LCMT2: variants seen among roughly 807,000 people sequenced by gnomAD.
LCMT2 encodes tRNA wybutosine-synthesizing protein 4.
Under a neutral mutation model 42.0 loss-of-function variants are expected in LCMT2, and 34 were observed. That is an observed-to-expected ratio of 0.81 (90% confidence interval 0.62 to 1.08). The LOEUF (loss-of-function observed/expected upper bound fraction) is 1.08, where lower values mean the gene tolerates loss of function less well. LCMT2 is among the 50% of genes least tolerant of loss of function. The pLI is 0.00. For missense variants in LCMT2, 1,091 were observed against 889.4 expected (o/e 1.23, Z -2.88); for synonymous variants, 445 against 369.5 (o/e 1.20, Z -2.34).
chr15:43,329,141 T>C lies in LCMT2; in HGVS notation c.1349A>G (p.His450Arg), dbSNP rs772699256. Residue 450 changes from histidine (H) to arginine (R), a missense_variant, in exon 1 of 1, where the codon CAT becomes CGT. His to Arg is a conservative substitution (Grantham distance 29). Transcript: ENST00000305641. ...VSPALGVLQL[H>R]FFKSEDNNTE... ...GTTATTATCCTCACTCTTAAAAAAA[T>C]GAAGCTGGAGAACCCCCAAGGCTGG... The C allele has an allele frequency of 3.1e-6, 5 of 1,614,066 alleles. No homozygotes were observed. Among genetic ancestry groups the C allele is most frequent in the Non-Finnish European group, 4.2e-6 (5 of 1,180,040 alleles).
Position 43,330,184 on chromosome 15 carries a change from C to G in LCMT2, c.306G>C (p.Ala102=). The G allele has an allele frequency of 1.2e-6, 2 of 1,611,906 alleles. No homozygotes were observed. The change falls in exon 1 of 1, where the codon GCG becomes GCC. Residue 102 remains alanine (A), a synonymous_variant. Transcript: ENST00000305641. ...AGACTGCAGCCCGGGCCAGGCGGCC[C>G]GCGGTTTTTAAGCGAAAATAGAGCG... is the stretch of plus-strand genomic sequence containing the variant. ...FDSLYFRLKT[A]GRLARAAVWE...
chr15:43,329,593 C>A lies in LCMT2; in HGVS notation c.897G>T (p.Trp299Cys). 1.9e-6 allele frequency: 3 copies of A among 1,614,184 alleles called. No homozygotes were observed. Among genetic ancestry groups the A allele is most frequent in the Non-Finnish European group, 2.5e-6 (3 of 1,180,020 alleles). The change falls in exon 1 of 1, where the codon TGG becomes TGT. Residue 299 changes from tryptophan (W) to cysteine (C), a missense_variant. Coordinates refer to ENST00000305641, the MANE Select transcript of LCMT2 (RefSeq NM_014793.5). ...NIEPFDEFEEWHLKCAHYFIL... is the reference protein window; with the variant it reads ...NIEPFDEFEECHLKCAHYFIL... ...TGAAATAATGGGCGCACTTCAGATG[C>A]CACTCCTCAAATTCGTCAAAGGGTT...
rs763412383 is a variant in LCMT2 at position 43,329,121 on chromosome 15, T to C, written c.1369A>G (p.Asn457Asp). 9.3e-6 allele frequency: 15 copies of C among 1,613,966 alleles called. No individual in the cohort carries two copies. The East Asian group carries it at 3.1e-4, about 34-fold the overall frequency. ...GTCACTTTCAGGTCCTCAGTGTTATTATCCTCACTCTTAAAAAAATGAAGC... is the reference window on the plus strand; with the variant it reads ...GTCACTTTCAGGTCCTCAGTGTTATCATCCTCACTCTTAAAAAAATGAAGC... The part of the protein sequence containing the change: ...LQLHFFKSED[N>D]NTEDLKVTIT... The change falls in exon 1 of 1, where the codon AAT becomes GAT. Residue 457 changes from asparagine to aspartate, a missense_variant. Coordinates refer to ENST00000305641, the MANE Select transcript of LCMT2 (RefSeq NM_014793.5).
rs549348208 is a variant in LCMT2, at chr15:43,330,025, G to A, written c.465C>T (p.Tyr155=). The change falls in exon 1 of 1, where the codon TAC becomes TAT. Residue 155 remains tyrosine, a synonymous_variant. Coordinates refer to ENST00000305641, the MANE Select transcript of LCMT2 (RefSeq NM_014793.5). ...GCCGCAAGTCCAGACCCAGGATGCA[G>A]TAGTCTGCGCTCTCAAAGCACAGCG... ...ASALCFESAD[Y]CILGLDLRQL... is the part of the protein sequence containing the mutation. 5.1e-5 allele frequency: 83 copies of A among 1,612,712 alleles called. No individual in the cohort carries two copies. The South Asian group carries it at 8.2e-4, about 16-fold the overall frequency.
chr15:43,330,570 A>T lies in LCMT2; in HGVS notation c.-81T>A. The stretch of plus-strand genomic sequence containing the variant: ...TAGCACACACCTCACGGACCTCGGT[A>T]GGGGGAAAAAAACCACCCATGCTCC... On this transcript the variant is annotated 5_prime_UTR_variant, in exon 1 of 1. Transcript: ENST00000305641. The T allele has an allele frequency of 1.2e-5, 17 of 1,453,024 alleles. No individual in the cohort carries two copies. Among genetic ancestry groups the T allele is most frequent in the Non-Finnish European group, 1.5e-5 (17 of 1,104,256 alleles). 90.0% of individuals were successfully genotyped at this position (1,453,024 alleles called of 1,614,324 possible). A position where few individuals can be genotyped will look rare whatever the true frequency, so the allele number is the denominator to read the frequency against.
chr15:43,330,211 G>A lies in LCMT2; in HGVS notation c.279C>T (p.Asp93=), dbSNP rs1596474649. Residue 93 remains aspartate, a synonymous_variant, in exon 1 of 1, where the codon GAC becomes GAT. Coordinates refer to ENST00000305641, the MANE Select transcript of LCMT2 (RefSeq NM_014793.5). ...CGGTTTTTAAGCGAAAATAGAGCGA[G>A]TCGAAGCCAGCGCCGAGAGACAAGA... The part of the protein sequence containing the change: ...AQILSLGAGF[D]SLYFRLKTAG... 9.9e-6 allele frequency: 16 copies of A among 1,611,400 alleles called. No individual in the cohort carries two copies. Among genetic ancestry groups the A allele is most frequent in the East Asian group, 2.2e-5 (1 of 44,850 alleles).
chr15:43,328,886 T>A lies in LCMT2; in HGVS notation c.1604A>T (p.His535Leu). 6.2e-7 allele frequency: 1 copy of A among 1,614,012 alleles called. No individual in the cohort carries two copies. Among genetic ancestry groups the A allele is most frequent in the Non-Finnish European group, 8.5e-7 (1 of 1,180,022 alleles). Residue 535 changes from histidine (H) to leucine (L), a missense_variant, in exon 1 of 1, where the codon CAT becomes CTT. Coordinates refer to ENST00000305641, the MANE Select transcript of LCMT2 (RefSeq NM_014793.5). ...TTGCCAAGTGCAGGCACTGTGAGAA[T>A]GCCGGGCTTCAGGTACTTCTCCCTC... The part of the protein sequence containing the change: ...PVEGEVPEAR[H>L]SHSACTWQGG...
Position 43,330,340 on chromosome 15 carries a change from C to T in LCMT2, c.150G>A (p.Pro50=). The change falls in exon 1 of 1, where the codon CCG becomes CCA. Residue 50 remains proline (P), a synonymous_variant. Coordinates refer to ENST00000305641, the MANE Select transcript of LCMT2 (RefSeq NM_014793.5). ...GGACGTAGTAGCCTCGGTGAATGAG[C>T]GGTGCGCGGCGCGCCGCGCCCGGAA... The part of the protein sequence containing the change: ...LLVPGAARRA[P]LIHRGYYVRA... 1 of 1,602,948 alleles carries T rather than the reference C, an allele frequency of 6.2e-7. No homozygotes were observed. The highest frequency in any genetic ancestry group is 1.7e-4 in the Middle Eastern group (1 of 6,024).
chr15:43,328,285 C>G lies in LCMT2; in HGVS notation c.*144G>C. The G allele has an allele frequency of 1.1e-6, 1 of 881,000 alleles. No homozygotes were observed. Among genetic ancestry groups the G allele is most frequent in the Non-Finnish European group, 1.7e-6 (1 of 580,650 alleles). The allele number at this position is 881,000 out of a possible 1,614,324, so 54.6% of individuals were successfully genotyped here. A position where few individuals can be genotyped will look rare whatever the true frequency, so the allele number is the denominator to read the frequency against. ...TAGGTATTTTACCTATTTTACCAAC[C>G]TTTTTCACTTTTTGCACTGAATAGT... On this transcript the variant is annotated 3_prime_UTR_variant, in exon 1 of 1. Transcript: ENST00000305641.
Position 43,329,219 on chromosome 15 carries a change from C to A in LCMT2, c.1271G>T (p.Arg424Ile). ...WDGRLYHTMT[R>I]LSESRVLVLG... ...AACCAGAACCCGACTCTCTGAGAGT[C>A]TTGTCATGGTGTGATAAAGGCGTCC... Residue 424 changes from arginine (R) to isoleucine (I), a missense_variant, in exon 1 of 1, where the codon AGA becomes ATA. By Grantham distance (97) the Arg-to-Ile change is moderately conservative. Coordinates refer to ENST00000305641, the MANE Select transcript of LCMT2 (RefSeq NM_014793.5). The A allele has an allele frequency of 1.2e-6, 2 of 1,614,038 alleles. No individual in the cohort carries two copies. Among genetic ancestry groups the A allele is most frequent in the Non-Finnish European group, 1.7e-6 (2 of 1,180,016 alleles).
rs1299079362 is a variant in LCMT2 at position 43,329,718 on chromosome 15, A to C, written c.772T>G (p.Phe258Val). The change falls in exon 1 of 1, where the codon TTC becomes GTC. Residue 258 changes from phenylalanine (F) to valine (V), a missense_variant. Phe to Val is a conservative substitution (Grantham distance 50). Transcript: ENST00000305641. ...CAGGCGGTCCAGCCAGCTTGAAGGA[A>C]GCGGCGCCGCTGCGCCTCCACGTCA... ...FPDVEAQRRR[F>V]LQAGWTACGA... 1 of 1,613,302 alleles carries C rather than the reference A, an allele frequency of 6.2e-7. No homozygotes were observed. Among genetic ancestry groups the C allele is most frequent in the Admixed American group, 1.7e-5 (1 of 60,008 alleles).
chr15:43,325,303 G>T lies in LCMT2; in HGVS notation c.*3126C>A, dbSNP rs2043112160. 6.6e-6 allele frequency: 1 copy of T among 152,170 alleles called. No homozygotes were observed. Among genetic ancestry groups the T allele is most frequent in the African/African-American group, 2.4e-5 (1 of 41,442 alleles). The allele number at this position is 152,170 out of a possible 1,614,324, so 9.4% of individuals were successfully genotyped here. On this transcript the variant is annotated 3_prime_UTR_variant, in exon 1 of 1. Transcript: ENST00000305641. ...ATTTTAGAACAAAAACTTCAAAAGT[G>T]AAATGGAGAAGCAAGAATTATTATC...
In LCMT2 at chr15:43,330,506, G is replaced by A. The variant is rs1050072098; in HGVS notation, c.-17C>T. On this transcript the variant is annotated 5_prime_UTR_variant, in exon 1 of 1. Coordinates refer to ENST00000305641, the MANE Select transcript of LCMT2 (RefSeq NM_014793.5). ...GGGGCCCATGGCCAGAAGAGACTCAGGAATGGCAGTCTGTCACGGTTGTGA... is the reference window on the plus strand; with the variant it reads ...GGGGCCCATGGCCAGAAGAGACTCAAGAATGGCAGTCTGTCACGGTTGTGA... The A allele has an allele frequency of 1.8e-5, 27 of 1,512,474 alleles. No homozygotes were observed. Among genetic ancestry groups the A allele is most frequent in the Admixed American group, 2.4e-5 (1 of 42,206 alleles). The allele number at this position is 1,512,474 out of a possible 1,614,324, so 93.7% of individuals were successfully genotyped here.
chr15:43,328,081 G>T lies in LCMT2; in HGVS notation c.*348C>A. ...AATATATTCAACCACGGAACTGCGT[G>T]TAACTTTTTCTAAGGTACCATCTCA... On this transcript the variant is annotated 3_prime_UTR_variant, in exon 1 of 1. Coordinates refer to ENST00000305641, the MANE Select transcript of LCMT2 (RefSeq NM_014793.5). The T allele has an allele frequency of 4.6e-6, 1 of 219,218 alleles. No individual in the cohort carries two copies. The highest frequency in any genetic ancestry group is 9.1e-6 in the Non-Finnish European group (1 of 109,330). 13.6% of individuals were successfully genotyped at this position (219,218 alleles called of 1,614,324 possible). A position where few individuals can be genotyped will look rare whatever the true frequency, so the allele number is the denominator to read the frequency against.
chr15:43,328,074 A>T lies in LCMT2; in HGVS notation c.*355T>A, dbSNP rs2043127870. On this transcript the variant is annotated 3_prime_UTR_variant, in exon 1 of 1. Transcript: ENST00000305641. The stretch of plus-strand genomic sequence containing the variant: ...CATCTCAAATATATTCAACCACGGA[A>T]CTGCGTGTAACTTTTTCTAAGGTAC... 3 of 208,960 alleles carry T rather than the reference A, an allele frequency of 1.4e-5. No homozygotes were observed. The Admixed American group carries it at 1.5e-4, about 11-fold the overall frequency. The allele number at this position is 208,960 out of a possible 1,614,324, so 12.9% of individuals were successfully genotyped here. A position where few individuals can be genotyped will look rare whatever the true frequency, so the allele number is the denominator to read the frequency against.
In LCMT2 at chr15:43,329,148, G is replaced by C. The variant is rs759528915; in HGVS notation, c.1342C>G (p.Gln448Glu). Residue 448 changes from glutamine to glutamate, a missense_variant, in exon 1 of 1, where the codon CAG (glutamine) becomes GAG (glutamate). Transcript: ENST00000305641. ...TCCTCACTCTTAAAAAAATGAAGCTGGAGAACCCCCAAGGCTGGACTTACT... is the reference window on the plus strand; with the variant it reads ...TCCTCACTCTTAAAAAAATGAAGCTCGAGAACCCCCAAGGCTGGACTTACT... ...SPVSPALGVL[Q>E]LHFFKSEDNN... The C allele has an allele frequency of 1.2e-6, 2 of 1,613,952 alleles. No individual in the cohort carries two copies. Among genetic ancestry groups the C allele is most frequent in the Non-Finnish European group, 1.7e-6 (2 of 1,180,016 alleles).
At position 43,329,762 on chromosome 15, in the gene LCMT2, T is replaced by C. The variant is rs773762539; in HGVS notation, c.728A>G (p.His243Arg). The change falls in exon 1 of 1, where the codon CAT becomes CGT. Residue 243 changes from histidine to arginine, a missense_variant. His to Arg is a conservative substitution (Grantham distance 29). Transcript: ENST00000305641. ...CACGTCAGGAAAACGCTCCAGGCCA[T>C]GCAGGGGGGAGTTTAGCTGCCGAAA... is the stretch of plus-strand genomic sequence containing the variant. ...QHFRQLNSPLHGLERFPDVEA... is the reference protein window; with the variant it reads ...QHFRQLNSPLRGLERFPDVEA... 10 of 1,613,572 alleles carry C rather than the reference T, an allele frequency of 6.2e-6. No individual in the cohort carries two copies. The East Asian group carries it at 8.9e-5, about 14-fold the overall frequency.
chr15:43,330,395 T>C lies in LCMT2; in HGVS notation c.95A>G (p.Tyr32Cys), dbSNP rs779791202. Residue 32 changes from tyrosine to cysteine, a missense_variant, in exon 1 of 1, where the codon TAC becomes TGC. Coordinates refer to ENST00000305641, the MANE Select transcript of LCMT2 (RefSeq NM_014793.5). ...CAACGCGGCAAAGGGGTCCTGCACG[T>C]ACCCGCGCGCGGCCAGGGAACGCTT... ...LSKRSLAARG[Y>C]VQDPFAALLV... The C allele has an allele frequency of 5.1e-6, 8 of 1,582,494 alleles. No homozygotes were observed. The highest frequency in any genetic ancestry group is 2.0e-5 in the Admixed American group (1 of 50,782).
rs983856323 is a variant in LCMT2, at chr15:43,328,084, A to C, written c.*345T>G. The C allele has an allele frequency of 9.1e-6, 2 of 220,070 alleles. No individual in the cohort carries two copies. The highest frequency in any genetic ancestry group is 2.3e-5 in the African/African-American group (1 of 43,764). The allele number at this position is 220,070 out of a possible 1,614,324, so 13.6% of individuals were successfully genotyped here. On this transcript the variant is annotated 3_prime_UTR_variant, in exon 1 of 1. Transcript: ENST00000305641. The stretch of plus-strand genomic sequence containing the variant: ...ATATTCAACCACGGAACTGCGTGTA[A>C]CTTTTTCTAAGGTACCATCTCAAAT...
Sources: gnomAD v4.1 joint callset for allele counts on GRCh38, gnomAD v4.1.1 for gene constraint, MANE v1.5 for transcripts, NCBI Gene and HGNC (gene_info 2026-07-23, HGNC 2026-07-21) for gene names.